The following CEP63 variants were observed in gnomAD, a reference collection of about 807,000 sequenced individuals.
CEP63 encodes centrosomal protein 63, also known as centrosomal protein of 63 kDa.
A neutral mutation model predicts 89.1 loss-of-function variants in CEP63; 84 were observed. The ratio of observed to expected loss-of-function variants is 0.94; its 90% CI spans 0.79 to 1.13. The LOEUF (loss-of-function observed/expected upper bound fraction) is 1.13, where lower values mean the gene tolerates loss of function less well. Ranked by LOEUF, CEP63 falls within the 50% of genes most tolerant of loss-of-function variation. The probability of loss-of-function intolerance (pLI) is 0.00; values close to 1 mark genes in which losing one functional copy is unlikely to be tolerated. For missense variants in CEP63, 838 were observed against 813.3 expected (o/e 1.03, Z -0.37); for synonymous variants, 267 against 272.5 (o/e 0.98, Z 0.20).
chr3:134,705,001 A>G, the CEP63 span, among the ~76,000 whole-genome samples: 2 of 152,188 alleles, frequency 1.3e-5, no homozygotes, highest in South Asian at 4.1e-4. Flanking sequence ...CCCAGAGTCT[A>G]CCTTCCTTTT....
intron 11 of CEP63, chr3:134,574,689 C>T (rs1327022196): frequency 4.6e-6 from 2 of 438,106 alleles, no homozygotes; most frequent in Non-Finnish European, 8.2e-6. Context: ...CTTACTGCAA[C>T]CTCCACCTCC....
At chr3:134,659,705 G>A in the CEP63 span, among the ~76,000 whole-genome samples, 10 of 152,340 alleles carry the variant, frequency 6.6e-5, no homozygotes, top group South Asian at 8.3e-4. Flanking sequence ...TGTCTGATCA[G>A]GTGGTGAGGA....
intron 9 of CEP63, 86 bp downstream of exon 9, chr3:134,547,558 T>C (rs1289900053): frequency 8.7e-7 from 1 of 1,147,806 alleles, no homozygotes; most frequent in Non-Finnish European, 1.3e-6. Context: ...GTAATAGTCA[T>C]AGTAAAAAAA....
downstream of CEP63, among the ~76,000 whole-genome samples, chr3:134,566,287 A>C (rs1440196132): frequency 6.6e-6 from 1 of 152,190 alleles, no homozygotes; most frequent in Admixed American, 6.5e-5. Flanking sequence ...GAAGGTCTAA[A>C]ACTCCTTGAT....
intron 11 of CEP63, among the ~76,000 whole-genome samples, chr3:134,572,264 CTTTTA>C (rs1020460437): frequency 6.6e-6 from 1 of 152,102 alleles, no homozygotes; most frequent in African/African-American, 2.4e-5. Flanking sequence ...ATAATTTCAA[CTTTTA>C]TTTTAAATTC....
At chr3:134,676,115 C>T in the CEP63 span, among the ~76,000 whole-genome samples, 1 of 152,154 alleles carries the variant, frequency 6.6e-6, no homozygotes, top group Non-Finnish European at 1.5e-5. Context: ...AATGTAAGTT[C>T]ACCCTAAAAT....
chr3:134,600,382 A>C, the CEP63 span, among the ~76,000 whole-genome samples: 3 of 152,340 alleles, frequency 2.0e-5, no homozygotes, highest in African/African-American at 7.2e-5. Flanking sequence ...CTTTATGTCT[A>C]GCCGAAATCC....
At chr3:134,670,152 G>A in the CEP63 span, among the ~76,000 whole-genome samples, 13 of 152,094 alleles carry the variant, frequency 8.5e-5, no homozygotes, top group Non-Finnish European at 1.5e-4. Context: ...TTTATATGCC[G>A]ATCAATAATA....
At chr3:134,547,581 T>TTA in intron 9 of CEP63, 109 bp downstream of exon 9, 1 of 727,656 alleles carries the variant, frequency 1.4e-6, no homozygotes, top group Non-Finnish European at 2.2e-6. Context: ...AAGATTTTTT[T>TTA]CTAGTATCCA....
chr3:134,561,846 T>A lies in CEP63; in HGVS notation c.*311T>A. 9.0e-7 allele frequency: 1 copy of A among 1,105,978 alleles called. No individual in the cohort carries two copies. The highest frequency in any genetic ancestry group is 1.7e-5 in the African/African-American group (1 of 60,542). 68.5% of individuals were successfully genotyped at this position (1,105,978 alleles called of 1,614,324 possible). ...TTAAATGTGAATAGCTATGTACTAA[T>A]TGAAATAAGGATTTTATGATACATG... On this transcript the variant is annotated 3_prime_UTR_variant, in exon 15 of 15. Transcript: ENST00000675561.
the CEP63 span, among the ~76,000 whole-genome samples, chr3:134,766,399 C>T: frequency 6.6e-6 from 1 of 152,200 alleles, no homozygotes; most frequent in African/African-American, 2.4e-5. Context: ...CCTGCTTTAC[C>T]CCTGGCAGTA....
chr3:134,522,265 G>T (rs1328426815), intron 3 of CEP63, among the ~76,000 whole-genome samples: 3 of 152,166 alleles, frequency 2.0e-5, no homozygotes, highest in African/African-American at 7.2e-5. Context: ...GGAAAATTCA[G>T]ATCAATCCAG....
At chr3:134,656,177 G>A in the CEP63 span, among the ~76,000 whole-genome samples, 1 of 152,188 alleles carries the variant, frequency 6.6e-6, no homozygotes, top group Admixed American at 6.5e-5. Context: ...TGTCCTCCCA[G>A]AGAGGAGGGG....
chr3:134,636,552 G>A, the CEP63 span, among the ~76,000 whole-genome samples: 2 of 152,194 alleles, frequency 1.3e-5, no homozygotes, highest in East Asian at 1.9e-4. Flanking sequence ...AGCCTCTCAG[G>A]TGAGGCTATC....
the CEP63 span, among the ~76,000 whole-genome samples, chr3:134,740,998 C>G: frequency 1.3e-5 from 2 of 152,092 alleles, no homozygotes; most frequent in South Asian, 4.1e-4. Flanking sequence ...CTCATCAACC[C>G]TCTCTGTTAT....
At chr3:134,700,332 C>T in the CEP63 span, among the ~76,000 whole-genome samples, 1 of 152,314 alleles carries the variant, frequency 6.6e-6, no homozygotes, top group East Asian at 1.9e-4. Context: ...CCATGTCCTC[C>T]TCCAATCTAT....
chr3:134,691,942 C>T, the CEP63 span, among the ~76,000 whole-genome samples: 1 of 152,240 alleles, frequency 6.6e-6, no homozygotes, highest in Middle Eastern at 3.4e-3. Context: ...AAACTCCTGA[C>T]CTTGTGATCT....
At chr3:134,510,541 T>A in intron 3 of CEP63, 1 of 456,634 alleles carries the variant, frequency 2.2e-6, no homozygotes, top group South Asian at 2.6e-5. Flanking sequence ...CACTGGATGC[T>A]TTTTATTAAG....
At position 134,559,189 on chromosome 3, in the gene CEP63, T is replaced by G. The variant is rs769417711; in HGVS notation, c.1713T>G (p.Thr571=). The G allele has an allele frequency of 6.2e-7, 1 of 1,614,100 alleles. No individual in the cohort carries two copies. The highest frequency in any genetic ancestry group is 1.1e-5 in the South Asian group (1 of 91,070). The change falls in exon 14 of 15, where the codon ACT becomes ACG. Residue 571 remains threonine (T), a synonymous_variant. Transcript: ENST00000675561. ...HGQHRHDGIK[T]EHYKTDLHSP... ...AGCACAGACATGATGGAATAAAGAC[T>G]GAGCACTACAAAACAGATCTTCATT...
Sources: gnomAD v4.1 joint callset for allele counts (sites outside exome capture counted in the v4.1 genomes callset) on GRCh38, gnomAD v4.1.1 for gene constraint, MANE v1.5 for transcripts, NCBI Gene and HGNC (gene_info 2026-07-23, HGNC 2026-07-21) for gene names.